SLC24A3: variants seen among roughly 807,000 people sequenced by gnomAD.
The protein encoded by SLC24A3 is solute carrier family 24 member 3.
Under a neutral mutation model 75.8 loss-of-function variants are expected in SLC24A3, and 28 were observed. The ratio of observed to expected loss-of-function variants is 0.37; its 90% CI spans 0.27 to 0.51. SLC24A3 has a LOEUF of 0.51. Among genes scored for constraint, SLC24A3 ranks in the 20% least tolerant of loss-of-function variants. SLC24A3 has a pLI of 0.94. For synonymous variants in SLC24A3, 372 were observed against 334.1 expected, an observed-to-expected ratio of 1.11 and a Z score of -1.24; for missense variants, 663 against 847.8, an observed-to-expected ratio of 0.78 and a Z score of 2.71.
In SLC24A3 at chr20:19,703,428, T is replaced by C. The variant is rs572921693; in HGVS notation, c.1719+4748T>C. ...ACTGCACCAGTATCCATCTGACACA[T>C]AGAAGGACATTTTATTTGTTTAAAT... On this transcript the variant is annotated intron_variant, in intron 15 of 16. Coordinates refer to ENST00000328041, the MANE Select transcript of SLC24A3 (RefSeq NM_020689.4). Among the ~76,000 whole-genome samples, 91 of 152,368 alleles carry C rather than the reference T, an allele frequency of 6.0e-4. 1 individual carries two copies. The highest frequency in any genetic ancestry group is 1.8e-3 in the African/African-American group (74 of 41,596).
At chr20:19,262,391 C>T (rs1386608033) in intron 1 of SLC24A3, among the ~76,000 whole-genome samples, 22 of 119,150 alleles carry the variant, frequency 1.8e-4, no homozygotes, top group South Asian at 5.7e-4. Flanking sequence ...GGCGACAGAG[C>T]GAGACTCCGT....
chr20:19,287,318 AGATGCTCACC>A (rs763054919), intron 2 of SLC24A3, among the ~76,000 whole-genome samples: 2 of 152,230 alleles, frequency 1.3e-5, no homozygotes, highest in African/African-American at 2.4e-5. Flanking sequence ...TTTATGGACT[AGATGCTCACC>A]GATGCTCACA....
chr20:19,465,783 G>A (rs1275353720), intron 2 of SLC24A3, among the ~76,000 whole-genome samples: 2 of 152,154 alleles, frequency 1.3e-5, no homozygotes, highest in African/African-American at 4.8e-5. Flanking sequence ...AGAATCTCAC[G>A]CTACTTTCTC....
intron 3 of SLC24A3, among the ~76,000 whole-genome samples, chr20:19,520,862 A>G (rs2030086753): frequency 6.6e-6 from 1 of 152,258 alleles, no homozygotes; most frequent in South Asian, 2.1e-4. Flanking sequence ...CAGCTTTTAA[A>G]CTTCAGAATG....
intron 1 of SLC24A3, among the ~76,000 whole-genome samples, chr20:19,228,065 G>T (rs1398804144): frequency 6.6e-6 from 1 of 151,994 alleles, no homozygotes; most frequent in African/African-American, 2.4e-5. Flanking sequence ...AGGTTACTCT[G>T]GTATTTATTA....
At chr20:19,696,502 T>C (rs2122141186) in intron 13 of SLC24A3, 3 of 306,114 alleles carry the variant, frequency 9.8e-6, no homozygotes, top group Non-Finnish European at 1.2e-5. Flanking sequence ...ATTGCCTTTT[T>C]CCCAGAAATT....
At chr20:19,504,410 A>G (rs997460051) in intron 2 of SLC24A3, among the ~76,000 whole-genome samples, 1 of 152,244 alleles carries the variant, frequency 6.6e-6, no homozygotes, top group African/African-American at 2.4e-5. Flanking sequence ...TATAAAATAA[A>G]TATTTAAAGT....
At chr20:19,462,981 T>C (rs1177128516) in intron 2 of SLC24A3, among the ~76,000 whole-genome samples, 2 of 152,140 alleles carry the variant, frequency 1.3e-5, no homozygotes, top group African/African-American at 4.8e-5. Context: ...CTTAAGAAAA[T>C]GTGTCTTATC....
At position 19,455,396 on chromosome 20, in the gene SLC24A3, G is replaced by A. The variant is rs1017980580; in HGVS notation, c.272-60092G>A. On this transcript the variant is annotated intron_variant, in intron 2 of 16. Transcript: ENST00000328041. ...TGAAGTTGTGGCAGATGCTATCAGT[G>A]CCCTTCCCATGTTGCCTCAGCCTAC... Among the ~76,000 whole-genome samples the A allele has an allele frequency of 2.5e-4, 38 of 152,256 alleles. 1 individual carries two copies. The highest frequency in any genetic ancestry group is 8.4e-4 in the African/African-American group (35 of 41,554).
chr20:19,468,576 G>C (rs1987809099), intron 2 of SLC24A3, among the ~76,000 whole-genome samples: 3 of 152,124 alleles, frequency 2.0e-5, no homozygotes, highest in South Asian at 4.1e-4. Context: ...GCACATTCAA[G>C]GAGAGAGAAG....
intron 3 of SLC24A3, among the ~76,000 whole-genome samples, chr20:19,532,982 T>C (rs1034433246): frequency 1.3e-5 from 2 of 152,196 alleles, no homozygotes; most frequent in African/African-American, 4.8e-5. Flanking sequence ...CCAACACATA[T>C]TAGCTGAATT....
intron 3 of SLC24A3, among the ~76,000 whole-genome samples, chr20:19,522,269 G>T (rs1020390068): frequency 6.6e-6 from 1 of 152,130 alleles, no homozygotes; most frequent in Non-Finnish European, 1.5e-5. Context: ...CTGGAGAAAA[G>T]GTTGTCAGCA....
chr20:19,575,960 A>G (rs1219803952), intron 3 of SLC24A3, among the ~76,000 whole-genome samples: 1 of 152,142 alleles, frequency 6.6e-6, no homozygotes, highest in Non-Finnish European at 1.5e-5. Flanking sequence ...ATCTTTATAC[A>G]GGGAGATAGC....
chr20:19,635,223 C>T (rs1011760213), intron 6 of SLC24A3, among the ~76,000 whole-genome samples: 8 of 152,064 alleles, frequency 5.3e-5, no homozygotes, highest in Non-Finnish European at 7.3e-5. Flanking sequence ...TAATGCATAG[C>T]GAGAGTAGTC....
At chr20:19,601,228 C>G (rs181950271) in intron 6 of SLC24A3, among the ~76,000 whole-genome samples, 18 of 152,308 alleles carry the variant, frequency 1.2e-4, no homozygotes, top group African/African-American at 4.1e-4. Context: ...GCTTTCTGCC[C>G]AGCACAGAAG....
intron 2 of SLC24A3, among the ~76,000 whole-genome samples, chr20:19,332,326 G>A (rs993396305): frequency 6.6e-6 from 1 of 152,108 alleles, no homozygotes; most frequent in East Asian, 1.9e-4. Context: ...CCCCTCAACA[G>A]GGAGCAAGGC....
intron 2 of SLC24A3, among the ~76,000 whole-genome samples, chr20:19,359,769 G>A (rs189299479): frequency 1.6e-4 from 24 of 152,244 alleles, no homozygotes; most frequent in African/African-American, 5.3e-4. Context: ...TGGTCCTTTG[G>A]GGATGGCTTA....
chr20:19,613,790 C>A (rs772308127), intron 6 of SLC24A3, among the ~76,000 whole-genome samples: 1 of 152,180 alleles, frequency 6.6e-6, no homozygotes, highest in Non-Finnish European at 1.5e-5. Flanking sequence ...CATGAAAAAC[C>A]TTTTCACCCA....
rs1291858946 is a variant in SLC24A3, at chr20:19,628,217, A to AG, written c.613-25845_613-25844insG. 4.6e-4 allele frequency among the ~76,000 whole-genome samples: 70 copies of AG among 150,884 alleles called. No homozygotes were observed. The East Asian group carries it at 8.2e-3, about 18-fold the overall frequency. On this transcript the variant is annotated intron_variant, in intron 6 of 16. Transcript: ENST00000328041. ...GACTCCATCTCAAAAAAAAAAAAAAAAAAAAGAAAAAGAAAAAAGAAAAGA... is the reference window on the plus strand; with the variant it reads ...GACTCCATCTCAAAAAAAAAAAAAAAGAAAAAGAAAAAGAAAAAAGAAAAGA...
Sources: gnomAD v4.1 joint callset for allele counts (sites outside exome capture counted in the v4.1 genomes callset) on GRCh38, gnomAD v4.1.1 for gene constraint, MANE v1.5 for transcripts, NCBI Gene and HGNC (gene_info 2026-07-23, HGNC 2026-07-21) for gene names.